The following POFUT3 variants were observed in gnomAD, a reference collection of about 807,000 sequenced individuals.
POFUT3 encodes the protein protein O-fucosyltransferase 3.
chr8:33,324,672 G>T, the POFUT3 span, among the ~76,000 whole-genome samples: 1 of 152,076 alleles, frequency 6.6e-6, no homozygotes, highest in Non-Finnish European at 1.5e-5. Context: ...CTGGAACATA[G>T]TGGATGCATA....
At chr8:33,391,679 A>G in the POFUT3 span, among the ~76,000 whole-genome samples, 4 of 152,246 alleles carry the variant, frequency 2.6e-5, no homozygotes, top group Non-Finnish European at 5.9e-5. Flanking sequence ...TAAGGCATAC[A>G]GAGAATCAAG....
At chr8:33,431,633 C>T in the POFUT3 span, among the ~76,000 whole-genome samples, 20 of 133,746 alleles carry the variant, frequency 1.5e-4, no homozygotes, top group East Asian at 4.5e-3. Flanking sequence ...TCAAAATTCA[C>T]ATTCTTGATT....
chr8:33,451,531 T>C, the POFUT3 span, among the ~76,000 whole-genome samples: 1 of 152,042 alleles, frequency 6.6e-6, no homozygotes, highest in Non-Finnish European at 1.5e-5. Flanking sequence ...TGTATATGCA[T>C]ATGCATATGT....
chr8:33,318,662 A>T, the POFUT3 span, among the ~76,000 whole-genome samples: 2 of 86,270 alleles, frequency 2.3e-5, no homozygotes, highest in Non-Finnish European at 4.1e-5. Context: ...TATTTATATA[A>T]TATATAAATA....
the POFUT3 span, among the ~76,000 whole-genome samples, chr8:33,392,097 C>A: frequency 3.9e-5 from 6 of 152,108 alleles, no homozygotes; most frequent in African/African-American, 1.4e-4. Context: ...GTTAAAGGGA[C>A]CTAGCCTTCC....
the POFUT3 span, among the ~76,000 whole-genome samples, chr8:33,386,095 A>T: frequency 6.7e-6 from 1 of 150,230 alleles, no homozygotes; most frequent in East Asian, 2.0e-4. Context: ...AGGCTGAGGC[A>T]CGAGAATCGC....
the POFUT3 span, among the ~76,000 whole-genome samples, chr8:33,414,878 C>T: frequency 2.6e-5 from 4 of 151,360 alleles, no homozygotes; most frequent in South Asian, 6.3e-4. Context: ...GTGCCTGGCT[C>T]ATTATGTTAA....
the POFUT3 span, chr8:33,371,261 T>C: frequency 6.6e-5 from 10 of 152,218 alleles, no homozygotes; most frequent in Admixed American, 2.6e-4. Context: ...ATGTGATCCT[T>C]CTGGCTTCTA....
At chr8:33,308,765 G>C in the POFUT3 span, among the ~76,000 whole-genome samples, 4 of 151,856 alleles carry the variant, frequency 2.6e-5, no homozygotes, top group Non-Finnish European at 5.9e-5. Flanking sequence ...AGTCACAAAG[G>C]GCCCTCGTGA....
At chr8:33,316,633 T>C in the POFUT3 span, among the ~76,000 whole-genome samples, 3 of 151,718 alleles carry the variant, frequency 2.0e-5, no homozygotes, top group East Asian at 5.8e-4. Context: ...TCCCAGCTAC[T>C]TAGGAGGCTG....
chr8:33,329,974 C>CTAATAA, the POFUT3 span, among the ~76,000 whole-genome samples: 2 of 151,838 alleles, frequency 1.3e-5, no homozygotes, highest in South Asian at 2.1e-4. Flanking sequence ...TACCCTTTAA[C>CTAATAA]TAATAATAAT....
At chr8:33,392,740 T>C in the POFUT3 span, among the ~76,000 whole-genome samples, 1 of 151,688 alleles carries the variant, frequency 6.6e-6, no homozygotes, top group Non-Finnish European at 1.5e-5. Flanking sequence ...TCCCAGCACG[T>C]TGTGGGGCTG....
the POFUT3 span, among the ~76,000 whole-genome samples, chr8:33,331,375 A>T: frequency 1.3e-5 from 2 of 152,026 alleles, no homozygotes; most frequent in African/African-American, 4.8e-5. Flanking sequence ...AAAACTATAC[A>T]CTATCAAAGT....
At chr8:33,396,431 G>A in the POFUT3 span, among the ~76,000 whole-genome samples, 4 of 152,080 alleles carry the variant, frequency 2.6e-5, no homozygotes, top group African/African-American at 7.2e-5. Flanking sequence ...ACTTCCATCC[G>A]ATCAACTGAT....
At chr8:33,437,189 T>C in the POFUT3 span, among the ~76,000 whole-genome samples, 25 of 152,184 alleles carry the variant, frequency 1.6e-4, no homozygotes, top group Non-Finnish European at 2.8e-4. Context: ...ATTGATTCCA[T>C]GTCTTTGCTC....
the POFUT3 span, among the ~76,000 whole-genome samples, chr8:33,334,362 C>T: frequency 4.6e-5 from 7 of 152,282 alleles, no homozygotes; most frequent in Non-Finnish European, 8.8e-5. Context: ...GGATTACTGG[C>T]ATGCGCCACC....
chr8:33,441,952 AT>A, the POFUT3 span, among the ~76,000 whole-genome samples: 1 of 150,912 alleles, frequency 6.6e-6, no homozygotes, highest in Non-Finnish European at 1.5e-5. Flanking sequence ...TGTCACTTCT[AT>A]TTTTTTTCTT....
the POFUT3 span, among the ~76,000 whole-genome samples, chr8:33,385,237 C>T: frequency 3.9e-5 from 6 of 152,198 alleles, no homozygotes; most frequent in Middle Eastern, 3.4e-3. Flanking sequence ...TCCTGGTTCC[C>T]GGGTGGTGGG....
chr8:33,469,974 T>A, the POFUT3 span, among the ~76,000 whole-genome samples: 1 of 151,744 alleles, frequency 6.6e-6, no homozygotes, highest in Non-Finnish European at 1.5e-5. Flanking sequence ...TTTGTATTTT[T>A]AGTAGAGACA....
Sources: allele counts gnomAD v4.1 joint callset (sites outside exome capture counted in the v4.1 genomes callset), GRCh38; gene constraint gnomAD v4.1.1; transcripts MANE v1.5; gene names NCBI Gene and HGNC (gene_info 2026-07-23, HGNC 2026-07-21).